ATP2C2: variants seen among roughly 807,000 people sequenced by gnomAD.
The protein encoded by ATP2C2 is calcium-transporting ATPase type 2C member 2.
Under a neutral mutation model 110.8 loss-of-function variants are expected in ATP2C2, and 171 were observed. The observed-to-expected ratio is 1.54, with a 90% CI of 1.36 to 1.75. ATP2C2 has a LOEUF of 1.75. Among genes scored for constraint, ATP2C2 ranks in the 40% most tolerant of loss-of-function variants. The pLI is 0.00. For missense variants in ATP2C2, 1,963 were observed against 1,235.0 expected (o/e 1.59, Z -8.84); for synonymous variants, 804 against 508.4 (o/e 1.58, Z -7.82).
At chr16:84,375,534 C>G (rs1376509144) in intron 1 of ATP2C2, among the ~76,000 whole-genome samples, 4 of 103,890 alleles carry the variant, frequency 3.9e-5, no homozygotes, top group African/African-American at 1.3e-4. Flanking sequence ...GAGCAAGACT[C>G]TGTCTCAAAA....
intron 15 of ATP2C2, among the ~76,000 whole-genome samples, chr16:84,445,890 T>G (rs1357463398): frequency 6.6e-6 from 1 of 152,202 alleles, no homozygotes; most frequent in Non-Finnish European, 1.5e-5. Context: ...GTCACATCAC[T>G]GATCCAAAAG....
Position 84,368,715 on chromosome 16 carries a change from G to C in ATP2C2, c.99+1G>C. 1 of 1,533,772 alleles carries C rather than the reference G, an allele frequency of 6.5e-7. No homozygotes were observed. Among genetic ancestry groups the C allele is most frequent in the Non-Finnish European group, 8.8e-7 (1 of 1,142,436 alleles). ...GGAGAAGGACGAAGAGGAAGCCTTG[G>C]TGAGTCCCCGCGACTCCGCGCCGGG... On this transcript the variant is annotated splice_donor_variant, in intron 1 of 26. Coordinates refer to ENST00000262429, the MANE Select transcript of ATP2C2 (RefSeq NM_014861.4). LOFTEE classifies it high-confidence loss of function.
At chr16:84,426,782 C>T (rs1467901640) in intron 11 of ATP2C2, among the ~76,000 whole-genome samples, 1 of 152,174 alleles carries the variant, frequency 6.6e-6, no homozygotes, top group Non-Finnish European at 1.5e-5. Flanking sequence ...GGATGTAGAG[C>T]CCAAGGCCAC....
chr16:84,430,865 T>G (rs1196583739), intron 11 of ATP2C2, among the ~76,000 whole-genome samples: 1 of 151,972 alleles, frequency 6.6e-6, no homozygotes, highest in Middle Eastern at 3.2e-3. Context: ...TTCAAACCAC[T>G]GAAGCCTGAT....
intron 7 of ATP2C2, among the ~76,000 whole-genome samples, chr16:84,416,886 T>C (rs575956989): frequency 2.6e-5 from 4 of 151,622 alleles, no homozygotes; most frequent in African/African-American, 9.7e-5. Flanking sequence ...GAAGCTGGGC[T>C]CACATTTTCC....
chr16:84,378,971 C>T (rs1185292138), intron 1 of ATP2C2, among the ~76,000 whole-genome samples: 6 of 151,338 alleles, frequency 4.0e-5, no homozygotes, highest in Non-Finnish European at 5.9e-5. Context: ...TTTTTTTCAA[C>T]TTCTATTTTA....
rs371257687 is a variant in ATP2C2 at position 84,368,818 on chromosome 16, A to C, written c.99+104A>C. 3.5e-5 allele frequency: 34 copies of C among 967,838 alleles called. 1 individual carries two copies. Among genetic ancestry groups the C allele is most frequent in the African/African-American group, 1.4e-4 (8 of 55,878 alleles). 60.0% of individuals were successfully genotyped at this position (967,838 alleles called of 1,614,324 possible). On this transcript the variant is annotated intron_variant, in intron 1 of 26. Transcript: ENST00000262429. ...CCCGCGTTCGCGCTGCGATCCGCGA[A>C]CTCGCCCTCCTCCCCTGGCTCTGGA...
At chr16:84,398,983 A>G (rs984984097) in intron 2 of ATP2C2, among the ~76,000 whole-genome samples, 9 of 152,248 alleles carry the variant, frequency 5.9e-5, no homozygotes, top group African/African-American at 1.9e-4. Flanking sequence ...GCTGTTTCAC[A>G]TGAAAGCCCA....
At chr16:84,461,483 A>G (rs1435742382) in intron 24 of ATP2C2, 4 of 599,338 alleles carry the variant, frequency 6.7e-6, no homozygotes, top group South Asian at 5.9e-5. Context: ...TCCTCCACCC[A>G]TAGGTGCCCT....
At chr16:84,388,821 G>T (rs1031588564) in intron 1 of ATP2C2, among the ~76,000 whole-genome samples, 1 of 152,282 alleles carries the variant, frequency 6.6e-6, no homozygotes, top group Non-Finnish European at 1.5e-5. Context: ...TGCCAGGCTA[G>T]AGTGCAGTGG....
intron 1 of ATP2C2, among the ~76,000 whole-genome samples, chr16:84,380,225 T>C (rs990547943): frequency 6.6e-6 from 1 of 152,176 alleles, no homozygotes; most frequent in East Asian, 1.9e-4. Context: ...CTCCTCCTTC[T>C]ACCCCCTCCC....
intron 6 of ATP2C2, among the ~76,000 whole-genome samples, chr16:84,412,301 T>C (rs77534317): frequency 0.018 from 2,707 of 151,490 alleles, 80 homozygotes; most frequent in African/African-American, 0.057. Context: ...TGTGTGTGTG[T>C]GAGCATGTCT....
chr16:84,404,057 C>T (rs911606340), intron 2 of ATP2C2, among the ~76,000 whole-genome samples: 2 of 152,198 alleles, frequency 1.3e-5, no homozygotes, highest in Admixed American at 1.3e-4. Context: ...GGAAGGGGCG[C>T]AGGGCTTCCA....
At position 84,453,369 on chromosome 16, in the gene ATP2C2, A is replaced by C. The variant is rs372297683; in HGVS notation, c.1978A>C (p.Lys660Gln). The change falls in exon 20 of 27, where the codon AAG becomes CAG. Residue 660 changes from lysine (K) to glutamine (Q), a missense_variant and splice_region_variant. By Grantham distance (53) the Lys-to-Gln change is moderately conservative. Coordinates refer to ENST00000262429, the MANE Select transcript of ATP2C2 (RefSeq NM_014861.4). ...TSPKHKLKIIKALQESGAIVA... is the reference protein window; with the variant it reads ...TSPKHKLKIIQALQESGAIVA... ...CCCAAAGCACAAGCTCAAAATCATC[A>C]AGGTTCGCTGGGCAAGGCAGGCACA... The C allele has an allele frequency of 2.2e-5, 35 of 1,613,982 alleles. No individual in the cohort carries two copies. The highest frequency in any genetic ancestry group is 2.6e-5 in the Non-Finnish European group (31 of 1,180,002).
chr16:84,440,790 T>G (rs1351628047), intron 13 of ATP2C2, 67 bp from the exon 14 acceptor site: 1 of 1,238,306 alleles, frequency 8.1e-7, no homozygotes, highest in Non-Finnish European at 1.2e-6. Context: ...GGACAGAGAT[T>G]GTGGGCCAAC....
intron 1 of ATP2C2, among the ~76,000 whole-genome samples, chr16:84,387,497 G>C (rs561950259): frequency 6.6e-6 from 1 of 152,244 alleles, no homozygotes; most frequent in Admixed American, 6.5e-5. Flanking sequence ...GGGCGACAGA[G>C]TGAGACTCTG....
At position 84,454,835 on chromosome 16, in the gene ATP2C2, G is replaced by A. The variant is rs184444689; in HGVS notation, c.1998G>A (p.Gly666=). ...TTCCAAAGGCTCTGCAGGAGTCAGG[G>A]GCGATCGTGGCCATGACTGGGGATG... The part of the protein sequence containing the change: ...LKIIKALQES[G]AIVAMTGDGV... Residue 666 remains glycine (G), a synonymous_variant, in exon 21 of 27, where the codon GGG becomes GGA. Coordinates refer to ENST00000262429, the MANE Select transcript of ATP2C2 (RefSeq NM_014861.4). 5.9e-5 allele frequency: 95 copies of A among 1,610,656 alleles called. No homozygotes were observed. Among genetic ancestry groups the A allele is most frequent in the Admixed American group, 1.4e-4 (8 of 59,166 alleles).
chr16:84,437,551 C>G (rs1026077264), intron 11 of ATP2C2, among the ~76,000 whole-genome samples: 1 of 152,156 alleles, frequency 6.6e-6, no homozygotes, highest in Non-Finnish European at 1.5e-5. Context: ...GAGTCTCACT[C>G]TGTCACCAGG....
intron 3 of ATP2C2, among the ~76,000 whole-genome samples, 161 bp from the exon 4 acceptor site, chr16:84,408,244 A>G (rs1291456588): frequency 6.6e-6 from 1 of 152,146 alleles, no homozygotes; most frequent in Non-Finnish European, 1.5e-5. Context: ...GAGGAGGACC[A>G]CTGCATGGGG....
Sources: allele counts gnomAD v4.1 joint callset (sites outside exome capture counted in the v4.1 genomes callset), GRCh38; gene constraint gnomAD v4.1.1; transcripts MANE v1.5; gene names NCBI Gene and HGNC (gene_info 2026-07-23, HGNC 2026-07-21).